The following SPATS1 variants were observed in gnomAD, a reference collection of about 807,000 sequenced individuals.
SPATS1 encodes spermatogenesis-associated serine-rich protein 1.
SPATS1 carries 23 observed loss-of-function variants against 33.6 expected under a neutral mutation model. The ratio of observed to expected loss-of-function variants is 0.68; its 90% CI spans 0.49 to 0.97. SPATS1 has a LOEUF of 0.97. Among genes scored for constraint, SPATS1 ranks in the 50% least tolerant of loss-of-function variants. The pLI is 0.00. For synonymous variants in SPATS1, 131 were observed against 125.6 expected, an observed-to-expected ratio of 1.04 and a Z score of -0.29; for missense variants, 327 against 361.0, an observed-to-expected ratio of 0.91 and a Z score of 0.76.
In SPATS1 at chr6:44,343,194, A is replaced by G. The variant is rs765536160; in HGVS notation, c.99A>G (p.Glu33=). 2 of 1,614,064 alleles carry G rather than the reference A, an allele frequency of 1.2e-6. No individual in the cohort carries two copies. The highest frequency in any genetic ancestry group is 2.2e-5 in the East Asian group (1 of 44,884). Residue 33 remains glutamate, a synonymous_variant, in exon 2 of 9, where the codon GAA becomes GAG. Coordinates refer to ENST00000674044, the MANE Select transcript of SPATS1 (RefSeq NM_001372081.1). ...GCAGACAGCTGGAGAAGGTTCCAGA[A>G]AAAAGGGACTCTGGCATGACCGAGG... ...TCGRQLEKVP[E]KRDSGMTEVE... is the part of the protein sequence containing the mutation.
chr6:44,374,559 G>A (rs1352666985), intron 7 of SPATS1, among the ~76,000 whole-genome samples: 1 of 152,134 alleles, frequency 6.6e-6, no homozygotes, highest in African/African-American at 2.4e-5. Flanking sequence ...CTGCTCGTGA[G>A]CCAGCTTGAA....
rs368991130 is a variant in SPATS1 at position 44,343,087 on chromosome 6, T to C, written c.1-9T>C. 1.7e-5 allele frequency: 28 copies of C among 1,613,730 alleles called. No individual in the cohort carries two copies. In the African/African-American group the frequency reaches 3.3e-4, roughly 19 times the overall value. ...TTGCTTCTAATATTTAAAATCATCA[T>C]GGGCACAGATGAGTCCATCCATGCT... On this transcript the variant is annotated splice_polypyrimidine_tract_variant and intron_variant, in intron 1 of 8. Transcript: ENST00000674044.
intron 2 of SPATS1, among the ~76,000 whole-genome samples, chr6:44,348,514 T>C (rs62401170): frequency 0.019 from 2,947 of 152,260 alleles, 47 homozygotes; most frequent in Middle Eastern, 0.054. Context: ...ATTTTTGATT[T>C]TGAACACTAT....
intron 2 of SPATS1, among the ~76,000 whole-genome samples, chr6:44,349,385 C>A (rs1193197609): frequency 6.6e-6 from 1 of 150,396 alleles, no homozygotes; most frequent in African/African-American, 2.4e-5. Flanking sequence ...AAAGTGTGGA[C>A]AATAGTGATT....
At chr6:44,354,265 T>A (rs1320055092) in intron 3 of SPATS1, among the ~76,000 whole-genome samples, 2 of 149,712 alleles carry the variant, frequency 1.3e-5, no homozygotes, top group African/African-American at 2.5e-5. Context: ...GCCCAGGAGT[T>A]CCAGGCTGCA....
At position 44,377,675 on chromosome 6, in the gene SPATS1, T is replaced by C; in HGVS notation, c.*612T>C. ...ATTCATTTCTTACAGTTCTGGAGGC[T>C]GGGAAGTCCAAGCGCAGGGTGCTGG... On this transcript the variant is annotated 3_prime_UTR_variant, in exon 9 of 9. Transcript: ENST00000674044. 1 of 159,052 alleles carries C rather than the reference T, an allele frequency of 6.3e-6. No individual in the cohort carries two copies. Among genetic ancestry groups the C allele is most frequent in the Non-Finnish European group, 1.4e-5 (1 of 73,248 alleles). 9.9% of individuals were successfully genotyped at this position (159,052 alleles called of 1,614,324 possible).
chr6:44,356,522 A>C (rs1477968668), intron 3 of SPATS1, among the ~76,000 whole-genome samples: 1 of 152,170 alleles, frequency 6.6e-6, no homozygotes, highest in Non-Finnish European at 1.5e-5. Flanking sequence ...ATTGCAATCG[A>C]GGTGTTGGCC....
At chr6:44,345,970 C>T (rs1215475072) in intron 2 of SPATS1, among the ~76,000 whole-genome samples, 1 of 152,130 alleles carries the variant, frequency 6.6e-6, no homozygotes, top group East Asian at 1.9e-4. Flanking sequence ...ATAATGGCAT[C>T]TCATTTTAAA....
At chr6:44,353,986 C>T (rs1489381077) in intron 3 of SPATS1, among the ~76,000 whole-genome samples, 4 of 139,182 alleles carry the variant, frequency 2.9e-5, no homozygotes, top group African/African-American at 7.9e-5. Context: ...TGCAGTGAGC[C>T]GAGATCGCGC....
At position 44,369,503 on chromosome 6, in the gene SPATS1, T is replaced by C. The variant is rs185797556; in HGVS notation, c.696-548T>C. 7.7e-3 allele frequency among the ~76,000 whole-genome samples: 1,176 copies of C among 151,988 alleles called. 9 individuals carry two copies. Among genetic ancestry groups the C allele is most frequent in the Non-Finnish European group, 0.013 (858 of 67,984 alleles). On this transcript the variant is annotated intron_variant, in intron 6 of 8. Transcript: ENST00000674044. ...TGATGGAGGTTGCAGTGAGCCGAGA[T>C]TGCAGCGCCACACTCTAGCCTGGGC...
chr6:44,366,530 A>G (rs1273724076), intron 5 of SPATS1, among the ~76,000 whole-genome samples: 1 of 152,244 alleles, frequency 6.6e-6, no homozygotes, highest in Non-Finnish European at 1.5e-5. Context: ...CTTCTGAAAC[A>G]GAATTTCTTG....
rs144868956 is a variant in SPATS1, at chr6:44,356,481, G to A, written c.287+3608G>A. On this transcript the variant is annotated intron_variant, in intron 3 of 8. Coordinates refer to ENST00000674044, the MANE Select transcript of SPATS1 (RefSeq NM_001372081.1). The stretch of plus-strand genomic sequence containing the variant: ...CAGGAAACTGAGTATAACCTAGATC[G>A]GTGCCTCTGGCTCAAGGTCTCTCTC... 8.3e-3 allele frequency among the ~76,000 whole-genome samples: 1,269 copies of A among 152,250 alleles called. 10 individuals carry two copies. The highest frequency in any genetic ancestry group is 0.028 in the African/African-American group (1,178 of 41,544).
At position 44,379,301 on chromosome 6, in the gene SPATS1, A is replaced by G. The variant is rs1790097104; in HGVS notation, c.*2238A>G. ...TCCTACACCATAAATATATTAAGGA[A>G]AACAACCGGCTGGGCGTGGTGGCTC... On this transcript the variant is annotated 3_prime_UTR_variant, in exon 9 of 9. Coordinates refer to ENST00000674044, the MANE Select transcript of SPATS1 (RefSeq NM_001372081.1). Among the ~76,000 whole-genome samples, 1 of 152,098 alleles carries G rather than the reference A, an allele frequency of 6.6e-6. No homozygotes were observed. The highest frequency in any genetic ancestry group is 2.4e-5 in the African/African-American group (1 of 41,416).
Position 44,372,327 on chromosome 6 carries a change from A to AT in SPATS1, c.758+2219dup, listed in dbSNP as rs77356734. 6.8e-3 allele frequency among the ~76,000 whole-genome samples: 1,028 copies of AT among 151,244 alleles called. 83 individuals are homozygous for AT. The East Asian group carries it at 0.16, about 24-fold the overall frequency. On this transcript the variant is annotated intron_variant, in intron 7 of 8. Coordinates refer to ENST00000674044, the MANE Select transcript of SPATS1 (RefSeq NM_001372081.1). ...TTTCTGGGTGTGTTTCTACTGACTG[A>AT]TTTTTCTCCTGATTATGGGTCACAT...
chr6:44,349,066 G>T (rs1788078139), intron 2 of SPATS1, among the ~76,000 whole-genome samples: 1 of 152,128 alleles, frequency 6.6e-6, no homozygotes. Context: ...AAGAGGCGGA[G>T]GTTGCAGTGA....
chr6:44,361,925 C>G lies in SPATS1; in HGVS notation c.507C>G (p.Val169=). Residue 169 remains valine, a synonymous_variant, in exon 5 of 9, where the codon GTC becomes GTG. Transcript: ENST00000674044. ...GAAAGCAGTGCTTCTTTAATGGAGTCTTCCTCGGCAACAAGAGGTCTCTAT... is the reference window on the plus strand; with the variant it reads ...GAAAGCAGTGCTTCTTTAATGGAGTGTTCCTCGGCAACAAGAGGTCTCTAT... The part of the protein sequence containing the change: ...HVGKQCFFNG[V]FLGNKRSLSE... 6.2e-7 allele frequency: 1 copy of G among 1,614,238 alleles called. No individual in the cohort carries two copies. Among genetic ancestry groups the G allele is most frequent in the Non-Finnish European group, 8.5e-7 (1 of 1,180,040 alleles).
At chr6:44,361,780 C>T (rs759055636) in intron 4 of SPATS1, 51 bp from the exon 5 acceptor site, 4 of 1,609,866 alleles carry the variant, frequency 2.5e-6, no homozygotes, top group Non-Finnish European at 2.6e-6. Context: ...CATCCAGTTG[C>T]ATTATGAGGC....
At chr6:44,366,154 C>T (rs146211666) in intron 5 of SPATS1, among the ~76,000 whole-genome samples, 4,942 of 145,922 alleles carry the variant, frequency 0.034, 255 homozygotes, top group African/African-American at 0.12. Context: ...GACAGAGTTT[C>T]GCTCTTGTTG....
intron 3 of SPATS1, among the ~76,000 whole-genome samples, chr6:44,355,390 T>G (rs367839886): frequency 6.6e-6 from 1 of 152,228 alleles, no homozygotes; most frequent in African/African-American, 2.4e-5. Flanking sequence ...ATAGTTTATT[T>G]ATTCATTCAC....
Sources: allele counts gnomAD v4.1 joint callset (sites outside exome capture counted in the v4.1 genomes callset), GRCh38; gene constraint gnomAD v4.1.1; transcripts MANE v1.5; gene names NCBI Gene and HGNC (gene_info 2026-07-23, HGNC 2026-07-21).